Variants in MRPL45 observed in about 807,000 individuals in gnomAD.
The protein encoded by MRPL45 is mitochondrial ribosomal protein L45, also known as large ribosomal subunit protein mL45.
MRPL45 carries 20 observed loss-of-function variants against 38.1 expected under a neutral mutation model. The ratio of observed to expected loss-of-function variants is 0.53; its 90% CI spans 0.37 to 0.76. The LOEUF (loss-of-function observed/expected upper bound fraction) is 0.76. Ranked by LOEUF, MRPL45 falls within the 30% of genes least tolerant of loss-of-function variation. MRPL45 has a pLI of 0.00. For synonymous variants in MRPL45, 105 were observed against 128.8 expected (o/e 0.82, Z 1.25); for missense variants, 337 against 395.6 (o/e 0.85, Z 1.26).
intron 5 of MRPL45, among the ~76,000 whole-genome samples, chr17:38,319,877 C>T (rs557918543): frequency 8.0e-4 from 121 of 152,164 alleles, no homozygotes; most frequent in Non-Finnish European, 1.2e-3. Flanking sequence ...CCGAGGCGGG[C>T]GGATCACGAG....
intron 3 of MRPL45, among the ~76,000 whole-genome samples, chr17:38,302,296 G>A (rs2037004764): frequency 6.6e-6 from 1 of 151,430 alleles, no homozygotes; most frequent in African/African-American, 2.4e-5. Context: ...AGACCAGCCT[G>A]GCCAACATGG....
chr17:38,299,883 T>C (rs1029097361), intron 3 of MRPL45, among the ~76,000 whole-genome samples: 7 of 149,318 alleles, frequency 4.7e-5, no homozygotes, highest in Admixed American at 3.4e-4. Context: ...ATTACAGGCA[T>C]GTGCCACCAT....
At position 38,306,576 on chromosome 17, in the gene MRPL45, G is replaced by A. The variant is rs549458356; in HGVS notation, c.406G>A (p.Asp136Asn). The change falls in exon 4 of 8, where the codon GAC becomes AAC. Residue 136 changes from aspartate (D) to asparagine (N), a missense_variant. Asp to Asn is a conservative substitution (Grantham distance 23). Transcript: ENST00000613675. ...CTATGATGCCAACTTTAAAATAAAG[G>A]ACTTCCCTGAAAAAGCTAAGGATAT... ...KDYDANFKIK[D>N]FPEKAKDIFI... 2.5e-6 allele frequency: 4 copies of A among 1,610,116 alleles called. No homozygotes were observed. In the Admixed American group the frequency reaches 5.1e-5, roughly 20 times the overall value.
intron 4 of MRPL45, among the ~76,000 whole-genome samples, chr17:38,313,975 T>C (rs1282890254): frequency 1.3e-5 from 2 of 152,114 alleles, no homozygotes; most frequent in African/African-American, 2.4e-5. Context: ...GAAAGGTCTA[T>C]TTTTAAATTA....
At chr17:38,313,311 A>AAAATATAT (rs1311544521) in intron 4 of MRPL45, among the ~76,000 whole-genome samples, 2 of 7,866 alleles carry the variant, frequency 2.5e-4, no homozygotes, top group Non-Finnish European at 4.5e-4. Context: ...AAAAAAAAAA[A>AAAATATAT]ATATATATAT....
intron 4 of MRPL45, among the ~76,000 whole-genome samples, chr17:38,313,197 A>T (rs2037130825): frequency 6.7e-6 from 1 of 148,252 alleles, no homozygotes; most frequent in Admixed American, 6.8e-5. Context: ...GTTAGCCAGG[A>T]TGGTCTCAAT....
intron 2 of MRPL45, among the ~76,000 whole-genome samples, 183 bp downstream of exon 2, chr17:38,298,809 C>T (rs1043030593): frequency 6.6e-6 from 1 of 152,014 alleles, no homozygotes; most frequent in African/African-American, 2.4e-5. Flanking sequence ...TTCACACTGT[C>T]CCTAGAAGGC....
At chr17:38,320,479 A>T (rs945474705) in intron 5 of MRPL45, 139 bp from the exon 6 acceptor site, 42 of 834,666 alleles carry the variant, frequency 5.0e-5, no homozygotes, top group Non-Finnish European at 6.8e-5. Context: ...TGCAAGAGAA[A>T]ATAGGCACAA....
At chr17:38,315,726 G>C (rs750550426) in intron 4 of MRPL45, among the ~76,000 whole-genome samples, 2 of 150,872 alleles carry the variant, frequency 1.3e-5, no homozygotes, top group Non-Finnish European at 3.0e-5. Flanking sequence ...GATGTCTGCA[G>C]CCATTATTTC....
At chr17:38,319,564 A>T (rs1370564814) in intron 5 of MRPL45, among the ~76,000 whole-genome samples, 1 of 152,168 alleles carries the variant, frequency 6.6e-6, no homozygotes, top group Admixed American at 6.5e-5. Flanking sequence ...CAATGTCTTG[A>T]CACAGACTCT....
chr17:38,316,019 C>T (rs1450283569), intron 4 of MRPL45, among the ~76,000 whole-genome samples: 3 of 152,122 alleles, frequency 2.0e-5, no homozygotes. Flanking sequence ...AGGTGATCCA[C>T]CCACCTTGGC....
chr17:38,305,984 G>C (rs1198640629), intron 3 of MRPL45, among the ~76,000 whole-genome samples: 1 of 151,884 alleles, frequency 6.6e-6, no homozygotes, highest in Non-Finnish European at 1.5e-5. Context: ...CGTTTTTTCT[G>C]TTTTTAGTGC....
chr17:38,299,422 A>T lies in MRPL45; in HGVS notation c.316A>T (p.Ile106Leu). The T allele has an allele frequency of 6.2e-7, 1 of 1,612,712 alleles. No individual in the cohort carries two copies. The highest frequency in any genetic ancestry group is 8.5e-7 in the Non-Finnish European group (1 of 1,179,824). Residue 106 changes from isoleucine (I) to leucine (L), a missense_variant, in exon 3 of 8, where the codon ATA becomes TTA. Ile to Leu is a conservative substitution (Grantham distance 5). Transcript: ENST00000613675. ...ATCATCTCTTTCAAAGGAGGGACTG[A>T]TAGAGAGAACTGAACGAATGAAGAA... The part of the protein sequence containing the change: ...RISSLSKEGL[I>L]ERTERMKKTM...
At chr17:38,307,396 C>T (rs550898882) in intron 4 of MRPL45, among the ~76,000 whole-genome samples, 2 of 151,442 alleles carry the variant, frequency 1.3e-5, no homozygotes, top group African/African-American at 4.9e-5. Flanking sequence ...GTGGCATGAT[C>T]GTGGCTCACT....
chr17:38,301,861 T>C (rs1295430745), intron 3 of MRPL45, among the ~76,000 whole-genome samples: 1 of 152,098 alleles, frequency 6.6e-6, no homozygotes, highest in Non-Finnish European at 1.5e-5. Flanking sequence ...CTCACGCCTG[T>C]AATCCCAGCG....
intron 4 of MRPL45, among the ~76,000 whole-genome samples, chr17:38,318,156 C>T (rs186686041): frequency 3.4e-5 from 5 of 146,898 alleles, no homozygotes; most frequent in African/African-American, 2.5e-5. Flanking sequence ...TGCAGTGAGC[C>T]GAGATCGCGC....
At chr17:38,306,167 T>C (rs1464172886) in intron 3 of MRPL45, among the ~76,000 whole-genome samples, 1 of 150,952 alleles carries the variant, frequency 6.6e-6, no homozygotes, top group Non-Finnish European at 1.5e-5. Flanking sequence ...CCCAGGACTT[T>C]GGGAGGCCGA....
intron 4 of MRPL45, among the ~76,000 whole-genome samples, chr17:38,316,822 G>A (rs1310840793): frequency 6.7e-6 from 1 of 149,308 alleles, no homozygotes. Flanking sequence ...TTTTTGAGAC[G>A]GAGTCTTGCT....
At chr17:38,322,355 C>A in intron 7 of MRPL45, 56 bp downstream of exon 7, 2 of 1,578,346 alleles carry the variant, frequency 1.3e-6, no homozygotes, top group East Asian at 2.3e-5. Context: ...GTCTCCTAAG[C>A]CACTCTGTCG....
Sources: allele counts gnomAD v4.1 joint callset (sites outside exome capture counted in the v4.1 genomes callset), GRCh38; gene constraint gnomAD v4.1.1; transcripts MANE v1.5; gene names NCBI Gene and HGNC (gene_info 2026-07-23, HGNC 2026-07-21).